The following ITGB6 variants were observed in gnomAD, a reference collection of about 807,000 sequenced individuals.
The protein encoded by ITGB6 is integrin subunit beta 6, also known as integrin beta-6.
In ITGB6, 80 loss-of-function variants were observed where a neutral mutation model predicts 84.5. That is an observed-to-expected ratio of 0.95 (90% CI 0.79 to 1.14). The LOEUF is 1.14. ITGB6 is among the 50% of genes most tolerant of loss of function. ITGB6 has a pLI of 0.00. For missense variants in ITGB6, 1,006 were observed against 968.0 expected (o/e 1.04, Z -0.52); for synonymous variants, 383 against 354.9 (o/e 1.08, Z -0.89).
At position 160,199,173 on chromosome 2, in the gene ITGB6, T is replaced by C. The variant is rs765595287; in HGVS notation, c.141+6A>G. On this transcript the variant is annotated splice_donor_region_variant and intron_variant, in intron 2 of 14. Coordinates refer to ENST00000283249, the MANE Select transcript of ITGB6 (RefSeq NM_000888.5). ...TTTAAAAACACATTGAGGTCATTTA[T>C]TTTACCTCCTGAGCACACCAGGCAC... 3 of 1,612,020 alleles carry C rather than the reference T, an allele frequency of 1.9e-6. No individual in the cohort carries two copies. Among genetic ancestry groups the C allele is most frequent in the East Asian group, 2.2e-5 (1 of 44,866 alleles).
At chr2:160,113,451 C>A (rs1682619440) in intron 12 of ITGB6, among the ~76,000 whole-genome samples, 1 of 152,142 alleles carries the variant, frequency 6.6e-6, no homozygotes, top group Non-Finnish European at 1.5e-5. Flanking sequence ...AAAACAGGAA[C>A]CAGCAAGACA....
intron 14 of ITGB6, among the ~76,000 whole-genome samples, chr2:160,107,037 T>C (rs1296332781): frequency 6.6e-6 from 1 of 152,208 alleles, no homozygotes; most frequent in African/African-American, 2.4e-5. Context: ...CACAGAAAAC[T>C]ATAGTCCTGC....
rs1696688460 is a variant in ITGB6, at chr2:160,100,838, T to C, written c.*898A>G. 1 of 152,220 alleles carries C rather than the reference T, an allele frequency of 6.6e-6. No homozygotes were observed. The highest frequency in any genetic ancestry group is 6.5e-5 in the Admixed American group (1 of 15,282). The allele number at this position is 152,220 out of a possible 1,614,324, so 9.4% of individuals were successfully genotyped here. Reference sequence around the variant, plus strand: ...TTATTGTGTTTAACACATGTTCCTTTTATATTATTGGATCGCTCTTTGAAT... The same window carrying C: ...TTATTGTGTTTAACACATGTTCCTTCTATATTATTGGATCGCTCTTTGAAT... On this transcript the variant is annotated 3_prime_UTR_variant, in exon 15 of 15. Coordinates refer to ENST00000283249, the MANE Select transcript of ITGB6 (RefSeq NM_000888.5).
At chr2:160,193,142 A>G (rs1012465158) in intron 4 of ITGB6, among the ~76,000 whole-genome samples, 1 of 152,226 alleles carries the variant, frequency 6.6e-6, no homozygotes, top group Non-Finnish European at 1.5e-5. Context: ...TCTATCAAAG[A>G]GAAGTAAAAG....
At chr2:160,157,253 A>C (rs1439034206) in intron 7 of ITGB6, among the ~76,000 whole-genome samples, 1 of 152,206 alleles carries the variant, frequency 6.6e-6, no homozygotes, top group East Asian at 1.9e-4. Flanking sequence ...TTTCCAAATA[A>C]GGTCACATTC....
chr2:160,137,572 G>T lies in ITGB6; in HGVS notation c.1522C>A (p.His508Asn), dbSNP rs917818547. The T allele has an allele frequency of 1.2e-6, 2 of 1,614,126 alleles. No homozygotes were observed. Among genetic ancestry groups the T allele is most frequent in the Admixed American group, 3.3e-5 (2 of 60,014 alleles). The change falls in exon 10 of 15, where the codon CAT becomes AAT. Residue 508 changes from histidine (H) to asparagine (N), a missense_variant. Physicochemically the swap from His to Asn is moderately conservative, Grantham distance 68 (BLOSUM62 1). Transcript: ENST00000283249. ...TCACCCCTTCCGCTGCAGGAGGGAT[G>T]ATCTGGGGCCTCCTTGCAGGAATCT... ...STDSCKEAPD[H>N]PSCSGRGDCY...
intron 12 of ITGB6, among the ~76,000 whole-genome samples, chr2:160,119,200 G>A (rs1353786771): frequency 7.2e-5 from 11 of 152,006 alleles, no homozygotes; most frequent in East Asian, 1.9e-4. Flanking sequence ...AAGAGCCCGC[G>A]TCACCAAGTC....
chr2:160,158,596 T>C (rs3111394), intron 7 of ITGB6, among the ~76,000 whole-genome samples: 147,215 of 152,320 alleles, frequency 0.97, 71,290 homozygotes, highest in East Asian at 1. Flanking sequence ...AAATAGGAAG[T>C]GATGTGGGGT....
chr2:160,112,272 T>C, intron 12 of ITGB6, 73 bp from the exon 13 acceptor site: 2 of 1,356,780 alleles, frequency 1.5e-6, no homozygotes, highest in Non-Finnish European at 2.1e-6. Flanking sequence ...AAAGTAGTAT[T>C]GAGTTTTAAT....
chr2:160,199,262 G>A lies in ITGB6; in HGVS notation c.62-4C>T, dbSNP rs1459211833. 2.5e-6 allele frequency: 4 copies of A among 1,612,786 alleles called. No homozygotes were observed. The highest frequency in any genetic ancestry group is 3.4e-6 in the Non-Finnish European group (4 of 1,178,970). ...GCACCTCCCAGGGCACAGCCACCTA[G>A]GTTTAGACCCAGCAAGATGCAGGGA... On this transcript the variant is annotated splice_polypyrimidine_tract_variant and splice_region_variant and intron_variant, in intron 1 of 14. Transcript: ENST00000283249.
rs1696693470 is a variant in ITGB6 at position 160,100,944 on chromosome 2, A to G, written c.*792T>C. 6.6e-6 allele frequency: 1 copy of G among 152,210 alleles called. No homozygotes were observed. Among genetic ancestry groups the G allele is most frequent in the Non-Finnish European group, 1.5e-5 (1 of 68,010 alleles). The allele number at this position is 152,210 out of a possible 1,614,324, so 9.4% of individuals were successfully genotyped here. Reference sequence around the variant, plus strand: ...CAGGGTTTAAAAGACTGTGCAACTGAGTGAAATGGATTGAGAAATATGGGA... The same window carrying G: ...CAGGGTTTAAAAGACTGTGCAACTGGGTGAAATGGATTGAGAAATATGGGA... On this transcript the variant is annotated 3_prime_UTR_variant, in exon 15 of 15. Transcript: ENST00000283249.
chr2:160,156,654 G>A (rs1684633635), intron 7 of ITGB6, among the ~76,000 whole-genome samples: 1 of 152,076 alleles, frequency 6.6e-6, no homozygotes, highest in Admixed American at 6.5e-5. Context: ...CCCTTTCATT[G>A]TTCACAGAAG....
intron 7 of ITGB6, among the ~76,000 whole-genome samples, chr2:160,147,939 GC>G (rs1684262865): frequency 6.6e-6 from 1 of 152,066 alleles, no homozygotes; most frequent in East Asian, 1.9e-4. Flanking sequence ...AACACCAAAG[GC>G]ACAATCCATG....
intron 7 of ITGB6, among the ~76,000 whole-genome samples, chr2:160,157,842 T>C (rs1400206153): frequency 6.6e-6 from 1 of 152,104 alleles, no homozygotes. Context: ...ACCTCGCTTT[T>C]ATGGAGCCAT....
intron 7 of ITGB6, among the ~76,000 whole-genome samples, chr2:160,144,543 G>A (rs903525797): frequency 5.9e-5 from 9 of 152,184 alleles, no homozygotes; most frequent in South Asian, 4.1e-4. Flanking sequence ...CAGAAGAGAC[G>A]GCAGAGGGAA....
rs1574038161 is a variant in ITGB6 at position 160,112,155 on chromosome 2, T to C, written c.2026A>G (p.Asn676Asp). Residue 676 changes from asparagine to aspartate, a missense_variant, in exon 13 of 15, where the codon AAT becomes GAT. Asn to Asp is a conservative substitution (Grantham distance 23, BLOSUM62 1). Transcript: ENST00000283249. ...ATTAGGAATGTAATAAGACATTCAT[T>C]TTCTCCTTGCAGAGAGCAGGAAACA... ...GSVSCSLQGE[N>D]ECLITFLITT... 6.2e-7 allele frequency: 1 copy of C among 1,611,864 alleles called. No individual in the cohort carries two copies. Among genetic ancestry groups the C allele is most frequent in the Non-Finnish European group, 8.5e-7 (1 of 1,178,306 alleles).
intron 7 of ITGB6, among the ~76,000 whole-genome samples, chr2:160,156,740 C>T (rs1193210517): frequency 6.6e-6 from 1 of 152,160 alleles, no homozygotes; most frequent in Admixed American, 6.6e-5. Flanking sequence ...AGTTAACTTT[C>T]CTGATGTCAT....
At chr2:160,175,650 C>G (rs758993348) in intron 4 of ITGB6, among the ~76,000 whole-genome samples, 1 of 152,200 alleles carries the variant, frequency 6.6e-6, no homozygotes, top group Non-Finnish European at 1.5e-5. Flanking sequence ...TGATGTGTCT[C>G]ATTGAGAAAA....
chr2:160,165,523 T>A (rs1047428744), intron 7 of ITGB6, among the ~76,000 whole-genome samples: 1 of 152,116 alleles, frequency 6.6e-6, no homozygotes, highest in Non-Finnish European at 1.5e-5. Context: ...CCTCTTTTCC[T>A]CCCTCGCTGC....
Sources: gnomAD v4.1 joint callset for allele counts (sites outside exome capture counted in the v4.1 genomes callset) on GRCh38, gnomAD v4.1.1 for gene constraint, MANE v1.5 for transcripts, NCBI Gene and HGNC (gene_info 2026-07-23, HGNC 2026-07-21) for gene names.